The following DRC9 variants were observed in gnomAD, a reference collection of about 807,000 sequenced individuals.
DRC9 encodes the protein dynein regulatory complex subunit 9, also known as dynein regulatory complex protein 9.
the DRC9 span, among the ~76,000 whole-genome samples, chr3:197,937,274 T>C: frequency 6.6e-6 from 1 of 152,158 alleles, no homozygotes; most frequent in East Asian, 1.9e-4. Context: ...ACAATGGGAA[T>C]TTAGACTGCC....
the DRC9 span, chr3:197,889,386 T>G: frequency 1.6e-6 from 1 of 637,892 alleles, no homozygotes; most frequent in South Asian, 1.9e-5. Flanking sequence ...GGTGTAATCC[T>G]AAATCAGGGT....
chr3:197,931,255 G>A, the DRC9 span, among the ~76,000 whole-genome samples: 4 of 152,036 alleles, frequency 2.6e-5, no homozygotes, highest in Non-Finnish European at 4.4e-5. Flanking sequence ...GCTGAGATGG[G>A]TGGACCACTT....
At chr3:197,942,385 C>CAAAA in the DRC9 span, among the ~76,000 whole-genome samples, 439 of 17,086 alleles carry the variant, frequency 0.026, 86 homozygotes, top group African/African-American at 0.029. Context: ...CTCCGTCTCA[C>CAAAA]AAAAAAAAAA....
At chr3:197,943,991 T>G in the DRC9 span, 1 of 1,614,164 alleles carries the variant, frequency 6.2e-7, no homozygotes, top group South Asian at 1.1e-5. Context: ...CGCCTGTCAC[T>G]GACACCGTCA....
the DRC9 span, chr3:197,953,946 G>A: frequency 6.3e-7 from 1 of 1,598,306 alleles, no homozygotes; most frequent in Non-Finnish European, 8.6e-7. Context: ...AGGTCACCTT[G>A]AATTTGTATC....
chr3:197,910,498 C>G, the DRC9 span, among the ~76,000 whole-genome samples: 3 of 152,244 alleles, frequency 2.0e-5, no homozygotes, highest in African/African-American at 7.2e-5. Context: ...CTACAGAACC[C>G]TAATTCTAAT....
At chr3:197,932,397 G>A in the DRC9 span, 9 of 886,324 alleles carry the variant, frequency 1.0e-5, no homozygotes, top group South Asian at 1.1e-4. Flanking sequence ...CACTTTGGGA[G>A]GCTGAGGCAG....
the DRC9 span, chr3:197,955,843 T>A: frequency 7.9e-7 from 1 of 1,259,138 alleles, no homozygotes; most frequent in Non-Finnish European, 1.2e-6. Context: ...AAAAACTTAC[T>A]ACCTTAAATT....
chr3:197,944,383 C>T, the DRC9 span, among the ~76,000 whole-genome samples: 91 of 152,100 alleles, frequency 6.0e-4, no homozygotes, highest in African/African-American at 2.2e-3. Flanking sequence ...CTCACCCTCC[C>T]GAGTAGCTGG....
the DRC9 span, among the ~76,000 whole-genome samples, chr3:197,928,601 C>A: frequency 1.3e-5 from 2 of 152,180 alleles, no homozygotes; most frequent in Middle Eastern, 3.4e-3. Context: ...CCATCCACAT[C>A]GTCTTCCCAA....
chr3:197,953,738 T>C, the DRC9 span: 2 of 542,674 alleles, frequency 3.7e-6, no homozygotes, highest in East Asian at 3.4e-5. Flanking sequence ...GCCTCTGTTA[T>C]CATCTGACCT....
At chr3:197,950,766 A>C in the DRC9 span, 1 of 630,818 alleles carries the variant, frequency 1.6e-6, no homozygotes, top group Non-Finnish European at 2.8e-6. Context: ...TGAGGTTTGA[A>C]TGTCTTGCCG....
the DRC9 span, among the ~76,000 whole-genome samples, chr3:197,904,630 C>T: frequency 7.9e-5 from 12 of 151,914 alleles, no homozygotes; most frequent in East Asian, 3.9e-4. Flanking sequence ...TTTGGGAGGC[C>T]GAGGCAGATC....
chr3:197,951,145 C>G, the DRC9 span: 1 of 1,613,900 alleles, frequency 6.2e-7, no homozygotes. Flanking sequence ...TGTTGTGTAT[C>G]TTTTGTGTCT....
chr3:197,937,003 G>A, the DRC9 span, among the ~76,000 whole-genome samples: 1 of 152,152 alleles, frequency 6.6e-6, no homozygotes, highest in Non-Finnish European at 1.5e-5. Context: ...GTAAATATTC[G>A]GCTTTGCAGG....
chr3:197,926,275 C>A, the DRC9 span, among the ~76,000 whole-genome samples: 478 of 152,190 alleles, frequency 3.1e-3, 3 homozygotes, highest in South Asian at 0.02. Flanking sequence ...AGTTCCCAAG[C>A]AATGCTAACA....
chr3:197,907,937 T>TG, the DRC9 span, among the ~76,000 whole-genome samples: 711 of 148,570 alleles, frequency 4.8e-3, 12 homozygotes, highest in East Asian at 0.037. Context: ...TCCTCCCAGA[T>TG]GAAGTTATCA....
the DRC9 span, chr3:197,955,932 A>G: frequency 3.0e-6 from 2 of 673,570 alleles, no homozygotes; most frequent in Non-Finnish European, 5.4e-6. Flanking sequence ...ATGTGATGAA[A>G]ATTACAGGGC....
chr3:197,906,149 G>A, the DRC9 span, among the ~76,000 whole-genome samples: 1 of 152,160 alleles, frequency 6.6e-6, no homozygotes, highest in East Asian at 1.9e-4. Context: ...ATGCTAAGCT[G>A]TGTCAGTAGA....
Sources: gnomAD v4.1 joint callset for allele counts (sites outside exome capture counted in the v4.1 genomes callset) on GRCh38, gnomAD v4.1.1 for gene constraint, MANE v1.5 for transcripts, NCBI Gene and HGNC (gene_info 2026-07-23, HGNC 2026-07-21) for gene names.